Variants in CAMKMT observed in about 807,000 individuals in gnomAD.
CAMKMT encodes calmodulin-lysine N-methyltransferase.
In CAMKMT, 53 loss-of-function variants were observed where a neutral mutation model predicts 48.0. The observed-to-expected ratio is 1.10, with a 90% confidence interval of 0.89 to 1.39. The LOEUF is 1.39. CAMKMT is among the 40% of genes most tolerant of loss of function. CAMKMT has a pLI of 0.00. For missense variants in CAMKMT, 428 were observed against 402.7 expected, an observed-to-expected ratio of 1.06 and a Z score of -0.54; for synonymous variants, 165 against 152.3, an observed-to-expected ratio of 1.08 and a Z score of -0.61.
At chr2:44,629,803 G>A (rs1487878288) in intron 3 of CAMKMT, among the ~76,000 whole-genome samples, 1 of 152,104 alleles carries the variant, frequency 6.6e-6, no homozygotes. Flanking sequence ...TCAATATCGT[G>A]AAAATGGCCA....
intron 3 of CAMKMT, among the ~76,000 whole-genome samples, chr2:44,521,844 G>C (rs1366778568): frequency 1.4e-5 from 2 of 137,940 alleles, no homozygotes; most frequent in Non-Finnish European, 3.2e-5. Context: ...AATAGAGCAA[G>C]ATTCTGTCTC....
Position 44,619,100 on chromosome 2 carries a change from A to G in CAMKMT, c.377-85183A>G, listed in dbSNP as rs558685222. ...TATAAACAGAAGGATGGAAACATAG[A>G]TGTAGTACTAATACACGTAAGATTG... On this transcript the variant is annotated intron_variant, in intron 3 of 10. Coordinates refer to ENST00000378494, the MANE Select transcript of CAMKMT (RefSeq NM_024766.5). Among the ~76,000 whole-genome samples, 43 of 152,304 alleles carry G rather than the reference A, an allele frequency of 2.8e-4. No individual in the cohort carries two copies. In the South Asian group the frequency reaches 6.4e-3, roughly 23 times the overall value.
intron 3 of CAMKMT, among the ~76,000 whole-genome samples, chr2:44,660,866 C>A (rs1255895101): frequency 6.6e-6 from 1 of 152,108 alleles, no homozygotes; most frequent in Non-Finnish European, 1.5e-5. Context: ...ATCTTGGCCT[C>A]CCACACCTGG....
intron 3 of CAMKMT, among the ~76,000 whole-genome samples, chr2:44,659,075 GTT>G (rs1192483405): frequency 0.094 from 8,071 of 85,974 alleles, 195 homozygotes; most frequent in South Asian, 0.15. Flanking sequence ...TGTGTGTGTA[GTT>G]TTTTTTTTTT....
intron 3 of CAMKMT, among the ~76,000 whole-genome samples, chr2:44,624,725 T>C (rs1171593933): frequency 1.3e-5 from 2 of 152,190 alleles, no homozygotes; most frequent in Non-Finnish European, 2.9e-5. Flanking sequence ...CAGTCTATCA[T>C]TGTTGGACAT....
intron 3 of CAMKMT, among the ~76,000 whole-genome samples, chr2:44,621,679 G>C (rs902125194): frequency 1.3e-5 from 2 of 152,188 alleles, no homozygotes; most frequent in Non-Finnish European, 1.5e-5. Flanking sequence ...GAAATAAGCT[G>C]GGTCCAGATC....
intron 3 of CAMKMT, among the ~76,000 whole-genome samples, chr2:44,412,334 G>C (rs1056991752): frequency 4.6e-5 from 7 of 151,820 alleles, no homozygotes; most frequent in African/African-American, 1.7e-4. Flanking sequence ...AGTTTTTTTT[G>C]TTTGTTTGTT....
chr2:44,694,058 G>C (rs1676804512), intron 3 of CAMKMT, among the ~76,000 whole-genome samples: 1 of 152,182 alleles, frequency 6.6e-6, no homozygotes. Flanking sequence ...TTGGTGGGGA[G>C]GAGGGAGCCA....
At chr2:44,674,946 G>C (rs1675586242) in intron 3 of CAMKMT, among the ~76,000 whole-genome samples, 1 of 151,358 alleles carries the variant, frequency 6.6e-6, no homozygotes, top group Non-Finnish European at 1.5e-5. Context: ...AAAAAGGTGT[G>C]ACTCCCTCCT....
chr2:44,577,142 T>C (rs1669267523), intron 3 of CAMKMT, among the ~76,000 whole-genome samples: 1 of 152,240 alleles, frequency 6.6e-6, no homozygotes, highest in Non-Finnish European at 1.5e-5. Context: ...TCCCAGATGC[T>C]TTTAAAATAC....
At chr2:44,718,641 G>T (rs1035741519) in intron 7 of CAMKMT, among the ~76,000 whole-genome samples, 2 of 152,128 alleles carry the variant, frequency 1.3e-5, no homozygotes, top group Non-Finnish European at 2.9e-5. Context: ...AGCTTTTGAC[G>T]TCTACGTATT....
rs1672010028 is a variant in CAMKMT at position 44,618,439 on chromosome 2, G to A, written c.377-85844G>A. ...GAACCAATTAGATTTTCAACCAGTA[G>A]ACAAGAAGGGTGGCACTTGGGGACC... On this transcript the variant is annotated intron_variant, in intron 3 of 10. Coordinates refer to ENST00000378494, the MANE Select transcript of CAMKMT (RefSeq NM_024766.5). This position sits in a 1 kb window ranked among gnomAD's most constrained non-coding sequence, Gnocchi z 4.0. Among the ~76,000 whole-genome samples, 2 of 152,194 alleles carry A rather than the reference G, an allele frequency of 1.3e-5. No homozygotes were observed.
intron 3 of CAMKMT, among the ~76,000 whole-genome samples, chr2:44,629,909 T>C (rs1435789974): frequency 2.2e-3 from 321 of 143,870 alleles, no homozygotes; most frequent in African/African-American, 4.5e-3. Context: ...AAAGTTCATA[T>C]GGAACCAAAA....
intron 8 of CAMKMT, among the ~76,000 whole-genome samples, chr2:44,752,271 A>C (rs1680184393): frequency 6.7e-6 from 1 of 149,340 alleles, no homozygotes; most frequent in Non-Finnish European, 1.5e-5. Flanking sequence ...TTGCCATTAA[A>C]GGTATGGCAT....
chr2:44,458,116 G>A (rs1028983423), intron 3 of CAMKMT, among the ~76,000 whole-genome samples: 4 of 141,268 alleles, frequency 2.8e-5, no homozygotes, highest in South Asian at 4.5e-4. Flanking sequence ...GTGCATTCTC[G>A]GCTCACTGCA....
intron 3 of CAMKMT, among the ~76,000 whole-genome samples, chr2:44,491,590 G>A (rs1206210133): frequency 6.6e-6 from 1 of 152,174 alleles, no homozygotes; most frequent in Non-Finnish European, 1.5e-5. Context: ...GCTATTCATA[G>A]GATAGTTGTA....
chr2:44,511,721 A>G (rs1191706484), intron 3 of CAMKMT, among the ~76,000 whole-genome samples: 1 of 152,188 alleles, frequency 6.6e-6, no homozygotes. Context: ...TCCTAAAACC[A>G]TCTGGGGCTC....
chr2:44,396,810 C>G (rs1339283362), intron 3 of CAMKMT, among the ~76,000 whole-genome samples: 6 of 151,310 alleles, frequency 4.0e-5, no homozygotes, highest in Admixed American at 2.6e-4. Context: ...CCTGTAATCC[C>G]AGCACTTTGG....
intron 3 of CAMKMT, among the ~76,000 whole-genome samples, chr2:44,492,076 C>T (rs1669535251): frequency 6.6e-6 from 1 of 151,942 alleles, no homozygotes. Context: ...TTGTTCACTT[C>T]ATTTGAAGGA....
Sources: gnomAD v4.1 joint callset for allele counts (sites outside exome capture counted in the v4.1 genomes callset) on GRCh38, gnomAD v4.1.1 for gene constraint, Gnocchi (gnomAD v3.1) non-coding constraint, MANE v1.5 for transcripts, NCBI Gene and HGNC (gene_info 2026-07-23, HGNC 2026-07-21) for gene names.